SEC14L2: variants seen among roughly 807,000 people sequenced by gnomAD.
SEC14L2 encodes the protein SEC14-like protein 2.
SEC14L2 carries 50 observed loss-of-function variants against 56.9 expected under a neutral mutation model. That is an observed-to-expected ratio of 0.88 (90% CI 0.70 to 1.11). The LOEUF is 1.11. Ranked by LOEUF, SEC14L2 falls within the 50% of genes most tolerant of loss-of-function variation. The pLI is 0.00. For missense variants in SEC14L2, 414 were observed against 500.7 expected (o/e 0.83, Z 1.65); for synonymous variants, 179 against 188.5 (o/e 0.95, Z 0.41).
At chr22:30,421,746 C>A (rs1934524387) in intron 11 of SEC14L2, 1 of 152,330 alleles carries the variant, frequency 6.6e-6, no homozygotes, top group South Asian at 2.1e-4. Context: ...GACGGAAACT[C>A]CAGCTCTGTC....
At position 30,424,166 on chromosome 22, in the gene SEC14L2, T is replaced by A. The variant is rs1267951066; in HGVS notation, c.*1759T>A. 6.4e-6 allele frequency: 1 copy of A among 156,318 alleles called. No homozygotes were observed. Among genetic ancestry groups the A allele is most frequent in the African/African-American group, 2.4e-5 (1 of 41,444 alleles). The allele number at this position is 156,318 out of a possible 1,614,324, so 9.7% of individuals were successfully genotyped here. On this transcript the variant is annotated 3_prime_UTR_variant, in exon 12 of 12. Coordinates refer to ENST00000615189, the MANE Select transcript of SEC14L2 (RefSeq NM_012429.5). ...TGCCGCGTAGCCCGTGCGAGCCAAG[T>A]GTGAGTCCGGGCGAGCGCCTGCGGA...
At position 30,423,917 on chromosome 22, in the gene SEC14L2, G is replaced by A. The variant is rs1435367216; in HGVS notation, c.*1510G>A. ...GAGGCCCAAACTCAGACGGCGTCAGGGACCCGGACCCAGCAGCCGTTTCAC... is the reference window on the plus strand; with the variant it reads ...GAGGCCCAAACTCAGACGGCGTCAGAGACCCGGACCCAGCAGCCGTTTCAC... On this transcript the variant is annotated 3_prime_UTR_variant, in exon 12 of 12. Transcript: ENST00000615189. 2.6e-5 allele frequency: 4 copies of A among 152,284 alleles called. No individual in the cohort carries two copies. Among genetic ancestry groups the A allele is most frequent in the Non-Finnish European group, 5.9e-5 (4 of 68,064 alleles). 9.4% of individuals were successfully genotyped at this position (152,284 alleles called of 1,614,324 possible).
In SEC14L2 at chr22:30,424,897, GTTAA is replaced by G. The variant is rs1934628018; in HGVS notation, c.*2497_*2500del. 2.2e-6 allele frequency: 1 copy of G among 447,064 alleles called. No individual in the cohort carries two copies. The highest frequency in any genetic ancestry group is 2.0e-5 in the African/African-American group (1 of 49,880). The allele number at this position is 447,064 out of a possible 1,614,324, so 27.7% of individuals were successfully genotyped here. The stretch of plus-strand genomic sequence containing the variant: ...TCTCCCTTGCCCGATTCATTCATTC[GTTAA>G]TTAATTCATCCAACATCCTGTCCCC... On this transcript the variant is annotated 3_prime_UTR_variant, in exon 12 of 12. Coordinates refer to ENST00000615189, the MANE Select transcript of SEC14L2 (RefSeq NM_012429.5).
intron 7 of SEC14L2, among the ~76,000 whole-genome samples, chr22:30,409,790 C>G (rs965171897): frequency 2.0e-5 from 3 of 152,198 alleles, no homozygotes; most frequent in African/African-American, 7.2e-5. Flanking sequence ...GTTCCAGTTT[C>G]TCAAAAGGCT....
chr22:30,403,264 C>A (rs1398417025), intron 2 of SEC14L2, among the ~76,000 whole-genome samples: 1 of 152,186 alleles, frequency 6.6e-6, no homozygotes, highest in Non-Finnish European at 1.5e-5. Flanking sequence ...GGCTTCCAGG[C>A]ATGGAGAGCA....
chr22:30,399,469 C>T (rs1430689060), intron 1 of SEC14L2, among the ~76,000 whole-genome samples, 174 bp from the exon 2 acceptor site: 5 of 140,856 alleles, frequency 3.5e-5, no homozygotes, highest in Non-Finnish European at 3.0e-5. Context: ...GAGTGGAGAT[C>T]GCCCACCGCA....
chr22:30,415,366 G>A (rs564072104), intron 8 of SEC14L2, among the ~76,000 whole-genome samples: 132 of 152,274 alleles, frequency 8.7e-4, no homozygotes, highest in Non-Finnish European at 1.5e-3. Context: ...CCGGGAGGCG[G>A]AGGTTGCAGT....
In SEC14L2 at chr22:30,407,453, T is replaced by A; in HGVS notation, c.273T>A (p.Tyr91Ter). Residue 91 changes from tyrosine (Y) to a stop codon, truncating the protein, a stop_gained, in exon 5 of 12, where the codon TAT becomes TAA. Transcript: ENST00000615189. LOFTEE classifies it high-confidence loss of function. ...ATCTGTCAGGGGGTATGTGTGGCTA[T>A]GACCTGGATGGCTGCCCAGTCTGGT... is the stretch of plus-strand genomic sequence containing the variant. ...QQYLSGGMCG[Y>*]DLDGCPVWYD... 1 of 1,614,200 alleles carries A rather than the reference T, an allele frequency of 6.2e-7. No individual in the cohort carries two copies. The highest frequency in any genetic ancestry group is 1.3e-5 in the African/African-American group (1 of 75,058).
chr22:30,397,573 AC>A, intron 1 of SEC14L2: 1 of 268,258 alleles, frequency 3.7e-6, no homozygotes, highest in South Asian at 4.1e-5. Context: ...GGTCAGTGGC[AC>A]GATGGAAAGG....
intron 11 of SEC14L2, chr22:30,416,872 C>T: frequency 9.7e-7 from 1 of 1,033,946 alleles, no homozygotes. Flanking sequence ...AGACTATGAG[C>T]AGGCAGTTTA....
Position 30,415,642 on chromosome 22 carries a change from G to A in SEC14L2, c.665-117G>A, listed in dbSNP as rs554005984. 1.1e-3 allele frequency: 866 copies of A among 788,226 alleles called. 4 individuals are homozygous for A. The Middle Eastern group carries it at 0.013, about 12-fold the overall frequency. 48.8% of individuals were successfully genotyped at this position (788,226 alleles called of 1,614,324 possible). ...CTAATGCAGGAATTTGAGGCGGGGT[G>A]TTGTGGGGTGCAATGGATGGGTTTT... is the stretch of plus-strand genomic sequence containing the variant. On this transcript the variant is annotated intron_variant, in intron 8 of 11. Coordinates refer to ENST00000615189, the MANE Select transcript of SEC14L2 (RefSeq NM_012429.5).
chr22:30,417,803 T>A (rs1029751811), intron 11 of SEC14L2, among the ~76,000 whole-genome samples: 3 of 152,048 alleles, frequency 2.0e-5, no homozygotes, highest in Admixed American at 6.6e-5. Flanking sequence ...CACAGATGTC[T>A]TGGCCTCTCT....
intron 3 of SEC14L2, among the ~76,000 whole-genome samples, 153 bp from the exon 4 acceptor site, chr22:30,406,942 G>A (rs1277775565): frequency 6.6e-6 from 1 of 152,066 alleles, no homozygotes; most frequent in East Asian, 1.9e-4. Context: ...AGTAGGGACG[G>A]GATTTTGCCA....
rs1353314490 is a variant in SEC14L2 at position 30,424,673 on chromosome 22, G to T, written c.*2266G>T. ...CTACTCTCATTTTTTTTGCAGACGT[G>T]GGAACTGGGGCTCAGGGAGGCTAAC... is the stretch of plus-strand genomic sequence containing the variant. On this transcript the variant is annotated 3_prime_UTR_variant, in exon 12 of 12. Coordinates refer to ENST00000615189, the MANE Select transcript of SEC14L2 (RefSeq NM_012429.5). The T allele has an allele frequency of 2.2e-6, 1 of 454,090 alleles. No homozygotes were observed. Among genetic ancestry groups the T allele is most frequent in the Admixed American group, 2.4e-5 (1 of 41,828 alleles). The allele number at this position is 454,090 out of a possible 1,614,324, so 28.1% of individuals were successfully genotyped here. A position where few individuals can be genotyped will look rare whatever the true frequency, so the allele number is the denominator to read the frequency against.
At chr22:30,419,386 T>C (rs1236409793) in intron 11 of SEC14L2, among the ~76,000 whole-genome samples, 1 of 152,192 alleles carries the variant, frequency 6.6e-6, no homozygotes, top group Non-Finnish European at 1.5e-5. Context: ...ACCCCGTCTC[T>C]ACTAAAAAAT....
At chr22:30,411,474 G>A (rs1482877389) in intron 8 of SEC14L2, among the ~76,000 whole-genome samples, 2 of 151,854 alleles carry the variant, frequency 1.3e-5, no homozygotes, top group Non-Finnish European at 2.9e-5. Context: ...GGCTGGGCAC[G>A]GTGGCTCATG....
chr22:30,397,187 G>GC lies in SEC14L2; in HGVS notation c.54+20dup, dbSNP rs1446847356. On this transcript the variant is annotated intron_variant, in intron 1 of 11. Transcript: ENST00000615189. ...TTGGCCAAGGTGAGCTGTAGCCCTG[G>GC]CCCGGGCTCCCGCCTCGGGCTGTGG... 4.0e-6 allele frequency: 6 copies of GC among 1,516,152 alleles called. No individual in the cohort carries two copies. 93.9% of individuals were successfully genotyped at this position (1,516,152 alleles called of 1,614,324 possible).
At chr22:30,418,452 C>A (rs922746229) in intron 11 of SEC14L2, among the ~76,000 whole-genome samples, 1 of 152,208 alleles carries the variant, frequency 6.6e-6, no homozygotes, top group Non-Finnish European at 1.5e-5. Context: ...CATTTTCCAG[C>A]ATCTGCCCAT....
rs372520507 is a variant in SEC14L2 at position 30,416,308 on chromosome 22, G to C, written c.986G>C (p.Arg329Pro). 6.2e-7 allele frequency: 1 copy of C among 1,614,224 alleles called. No individual in the cohort carries two copies. Among genetic ancestry groups the C allele is most frequent in the Non-Finnish European group, 8.5e-7 (1 of 1,180,028 alleles). The stretch of plus-strand genomic sequence containing the variant: ...AAGACCAAGATGGGAGAGAGGCAGC[G>C]GGCAGGGGAGATGACAGAGGTGCTG... ...FLKTKMGERQ[R>P]AGEMTEVLPN... Residue 329 changes from arginine to proline, a missense_variant, in exon 11 of 12, where the codon CGG becomes CCG. Coordinates refer to ENST00000615189, the MANE Select transcript of SEC14L2 (RefSeq NM_012429.5).
Sources: gnomAD v4.1 joint callset for allele counts (sites outside exome capture counted in the v4.1 genomes callset) on GRCh38, gnomAD v4.1.1 for gene constraint, MANE v1.5 for transcripts, NCBI Gene and HGNC (gene_info 2026-07-23, HGNC 2026-07-21) for gene names.